CCDC148: variants seen among roughly 807,000 people sequenced by gnomAD.
CCDC148 encodes coiled-coil domain-containing protein 148.
A neutral mutation model predicts 85.7 loss-of-function variants in CCDC148; 89 were observed. The ratio of observed to expected loss-of-function variants is 1.04; its 90% CI spans 0.87 to 1.24. CCDC148 has a LOEUF of 1.24. CCDC148 is among the 50% of genes most tolerant of loss of function. CCDC148 has a pLI of 0.00. For synonymous variants in CCDC148, 230 were observed against 213.9 expected (o/e 1.08, Z -0.66); for missense variants, 692 against 671.7 (o/e 1.03, Z -0.33).
At chr2:158,266,090 T>C (rs886334592) in intron 9 of CCDC148, among the ~76,000 whole-genome samples, 6 of 152,166 alleles carry the variant, frequency 3.9e-5, no homozygotes, top group Non-Finnish European at 8.8e-5. Flanking sequence ...TATCCACGCC[T>C]GACTAATCCT....
At chr2:158,198,737 C>A (rs535729519) in intron 11 of CCDC148, among the ~76,000 whole-genome samples, 1 of 152,024 alleles carries the variant, frequency 6.6e-6, no homozygotes, top group Admixed American at 6.6e-5. Context: ...ATAGAAAAAT[C>A]AGAAACAGTG....
At chr2:158,441,331 A>G (rs1042215361) in intron 1 of CCDC148, among the ~76,000 whole-genome samples, 2 of 152,202 alleles carry the variant, frequency 1.3e-5, no homozygotes, top group Non-Finnish European at 2.9e-5. Flanking sequence ...GAAACCCTAA[A>G]TGAAAAATAT....
chr2:158,315,441 A>G lies in CCDC148; in HGVS notation c.765-1547T>C, dbSNP rs183377687. On this transcript the variant is annotated intron_variant, in intron 7 of 13. Coordinates refer to ENST00000283233, the MANE Select transcript of CCDC148 (RefSeq NM_138803.4). ...AAACAAAAAAATAGAACTAAAGTAC[A>G]TGTCTTCATTAATGTTTGTAAAATG... 3.1e-3 allele frequency among the ~76,000 whole-genome samples: 471 copies of G among 152,268 alleles called. 12 individuals carry two copies. Among genetic ancestry groups the G allele is most frequent in the Non-Finnish European group, 1.1e-3 (72 of 68,004 alleles).
At chr2:158,340,159 C>T (rs1682602661) in intron 5 of CCDC148, 83 bp downstream of exon 5, 11 of 1,209,326 alleles carry the variant, frequency 9.1e-6, no homozygotes, top group African/African-American at 1.5e-5. Context: ...ACAGGTCACA[C>T]ATGTTTGTTT....
chr2:158,435,657 C>T lies in CCDC148; in HGVS notation c.25+20758G>A, dbSNP rs1687611891. Among the ~76,000 whole-genome samples, 2 of 152,158 alleles carry T rather than the reference C, an allele frequency of 1.3e-5. 1 individual carries two copies. Among genetic ancestry groups the T allele is most frequent in the Admixed American group, 1.3e-4 (2 of 15,270 alleles). ...ACTTTAAATGTAAACAGGCTAAATG[C>T]TCCAATTAAAAGACACAGACTGGCA... On this transcript the variant is annotated intron_variant, in intron 1 of 13. Transcript: ENST00000283233.
intron 1 of CCDC148, among the ~76,000 whole-genome samples, chr2:158,395,653 T>A (rs1368645297): frequency 6.6e-6 from 1 of 152,154 alleles, no homozygotes; most frequent in African/African-American, 2.4e-5. Context: ...AGATCCAGCA[T>A]AATGCCAACT....
chr2:158,220,553 T>C, intron 11 of CCDC148, 42 bp downstream of exon 11: 1 of 1,370,014 alleles, frequency 7.3e-7, no homozygotes, highest in Non-Finnish European at 1.0e-6. Context: ...AAAGACTCCA[T>C]TCACCACCTC....
At position 158,279,361 on chromosome 2, in the gene CCDC148, G is replaced by C. The variant is rs1203751255; in HGVS notation, c.1111-28449C>G. Among the ~76,000 whole-genome samples the C allele has an allele frequency of 2.0e-5, 3 of 152,112 alleles. No individual in the cohort carries two copies. The East Asian group carries it at 5.8e-4, about 29-fold the overall frequency. On this transcript the variant is annotated intron_variant, in intron 9 of 13. Transcript: ENST00000283233. The stretch of plus-strand genomic sequence containing the variant: ...GGAGGAAATTCAAACCAAAGGCAAA[G>C]AAGTTAAAAACTTTGAAAAAAATTT...
At chr2:158,290,355 C>T (rs962509170) in intron 9 of CCDC148, among the ~76,000 whole-genome samples, 1 of 152,210 alleles carries the variant, frequency 6.6e-6, no homozygotes, top group Non-Finnish European at 1.5e-5. Context: ...AATGCATCTG[C>T]CAGCTTTTTC....
chr2:158,306,138 T>G (rs78797809), intron 9 of CCDC148, among the ~76,000 whole-genome samples: 5,987 of 152,156 alleles, frequency 0.039, 401 homozygotes, highest in African/African-American at 0.14. Context: ...GAGTGAAGAA[T>G]TTTTGAGTGG....
At chr2:158,429,360 A>AATAG (rs10664791) in intron 1 of CCDC148, among the ~76,000 whole-genome samples, 28,356 of 149,518 alleles carry the variant, frequency 0.19, 2,679 homozygotes, top group South Asian at 0.25. Context: ...AAAGAGCATG[A>AATAG]ATAGATAGAT....
At chr2:158,425,999 T>C (rs532282464) in intron 1 of CCDC148, among the ~76,000 whole-genome samples, 3 of 152,206 alleles carry the variant, frequency 2.0e-5, no homozygotes, top group East Asian at 1.9e-4. Context: ...TCTTTGACTT[T>C]AGAGCTAATC....
At chr2:158,220,513 C>T in intron 11 of CCDC148, 82 bp downstream of exon 11, 2 of 916,214 alleles carry the variant, frequency 2.2e-6, no homozygotes, top group African/African-American at 1.7e-5. Context: ...AAAAAGTTCC[C>T]TCTGATATTA....
At chr2:158,209,068 TTA>T (rs1387700735) in intron 11 of CCDC148, among the ~76,000 whole-genome samples, 1 of 151,290 alleles carries the variant, frequency 6.6e-6, no homozygotes, top group Non-Finnish European at 1.5e-5. Context: ...TAAATATATG[TTA>T]TATATACATA....
intron 1 of CCDC148, among the ~76,000 whole-genome samples, chr2:158,359,563 C>T (rs1683834954): frequency 6.6e-6 from 1 of 152,054 alleles, no homozygotes; most frequent in African/African-American, 2.4e-5. Flanking sequence ...GTCACCTCAC[C>T]CAGGAAGCAC....
chr2:158,312,346 G>A (rs1465535399), intron 8 of CCDC148, among the ~76,000 whole-genome samples: 1 of 151,814 alleles, frequency 6.6e-6, no homozygotes, highest in East Asian at 1.9e-4. Flanking sequence ...TGTATTGGGA[G>A]GCCGAGGTGA....
intron 10 of CCDC148, among the ~76,000 whole-genome samples, chr2:158,227,866 C>T (rs1165273474): frequency 6.6e-6 from 1 of 152,044 alleles, no homozygotes; most frequent in Non-Finnish European, 1.5e-5. Context: ...AGAAGAAAAC[C>T]TAGGCAATAC....
At chr2:158,407,704 T>C (rs1435754366) in intron 1 of CCDC148, among the ~76,000 whole-genome samples, 1 of 152,206 alleles carries the variant, frequency 6.6e-6, no homozygotes, top group Non-Finnish European at 1.5e-5. Context: ...AGCTGAAGAA[T>C]AGACCTTAAA....
At chr2:158,333,327 G>C (rs976342979) in intron 7 of CCDC148, among the ~76,000 whole-genome samples, 1 of 151,956 alleles carries the variant, frequency 6.6e-6, no homozygotes, top group Non-Finnish European at 1.5e-5. Flanking sequence ...GTAGTTGTGC[G>C]GTTTTGAGTT....
Sources: gnomAD v4.1 joint callset for allele counts (sites outside exome capture counted in the v4.1 genomes callset) on GRCh38, gnomAD v4.1.1 for gene constraint, MANE v1.5 for transcripts, NCBI Gene and HGNC (gene_info 2026-07-23, HGNC 2026-07-21) for gene names.